Variants in RRBP1 observed in about 807,000 individuals in gnomAD.
RRBP1 encodes the protein ribosome-binding protein 1.
Under a neutral mutation model 165.2 loss-of-function variants are expected in RRBP1, and 94 were observed. That is an observed-to-expected ratio of 0.57 (90% confidence interval 0.48 to 0.68). The LOEUF (loss-of-function observed/expected upper bound fraction) is 0.68, where lower values mean the gene tolerates loss of function less well. Ranked by LOEUF, RRBP1 falls within the 30% of genes least tolerant of loss-of-function variation. The probability of loss-of-function intolerance (pLI) is 0.00; values close to 1 mark genes in which losing one functional copy is unlikely to be tolerated. For synonymous variants in RRBP1, 680 were observed against 714.5 expected (o/e 0.95, Z 0.77); for missense variants, 1,676 against 1,763.0 (o/e 0.95, Z 0.88).
At chr20:17,617,401 G>C (rs1039549653) in intron 20 of RRBP1, among the ~76,000 whole-genome samples, 1 of 152,218 alleles carries the variant, frequency 6.6e-6, no homozygotes, top group Non-Finnish European at 1.5e-5. Context: ...TGGAGACCCA[G>C]GTGGGGCCCT....
intron 19 of RRBP1, chr20:17,618,935 C>A: frequency 4.3e-6 from 2 of 466,612 alleles, no homozygotes; most frequent in African/African-American, 2.0e-5. Context: ...TTATCTCTGG[C>A]AAAAAAGGGC....
At chr20:17,677,293 T>C (rs187727368) in intron 2 of RRBP1, among the ~76,000 whole-genome samples, 5 of 152,316 alleles carry the variant, frequency 3.3e-5, no homozygotes, top group African/African-American at 1.2e-4. Flanking sequence ...TTCAAGATGG[T>C]CTTTTATTCC....
chr20:17,635,545 C>T lies in RRBP1; in HGVS notation c.2456+1G>A. On this transcript the variant is annotated splice_donor_variant, in intron 7 of 24. Coordinates refer to ENST00000377813, the MANE Select transcript of RRBP1 (RefSeq NM_001365613.2). LOFTEE classifies it high-confidence loss of function. ...TGCTGAGGCAGGAAAGCTCAGCTTA[C>T]TTGCTCTCCACCTGGCTCGTGGCCT... is the stretch of plus-strand genomic sequence containing the variant. The T allele has an allele frequency of 6.2e-7, 1 of 1,605,444 alleles. No individual in the cohort carries two copies. Among genetic ancestry groups the T allele is most frequent in the Non-Finnish European group, 8.5e-7 (1 of 1,175,554 alleles).
chr20:17,627,216 G>T, intron 11 of RRBP1, 132 bp downstream of exon 11: 1 of 845,802 alleles, frequency 1.2e-6, no homozygotes, highest in Non-Finnish European at 1.8e-6. Flanking sequence ...GGATGGGGGA[G>T]GGAAGGGAGC....
intron 4 of RRBP1, among the ~76,000 whole-genome samples, chr20:17,642,638 C>T (rs2036385038): frequency 6.6e-6 from 1 of 152,140 alleles, no homozygotes; most frequent in Non-Finnish European, 1.5e-5. Context: ...CAGGGGCGCT[C>T]CTGGGCTGGG....
rs1358666089 is a variant in RRBP1 at position 17,615,501 on chromosome 20, T to G, written c.3980A>C (p.Glu1327Ala). ...GGCTGTGCGGAGCTTCTCCAATTCT[T>G]CTTGTAACCGACATGCCGAGGTCTG... ...EAQTSACRLQ[E>A]ELEKLRTAGP... Residue 1327 changes from glutamate (E) to alanine (A), a missense_variant, in exon 23 of 25, where the codon GAA (glutamate) becomes GCA (alanine). Transcript: ENST00000377813. 6.2e-7 allele frequency: 1 copy of G among 1,606,770 alleles called. No individual in the cohort carries two copies. The highest frequency in any genetic ancestry group is 8.5e-7 in the Non-Finnish European group (1 of 1,177,630).
chr20:17,678,474 G>T (rs2037122431), intron 2 of RRBP1, among the ~76,000 whole-genome samples: 1 of 152,158 alleles, frequency 6.6e-6, no homozygotes, highest in Non-Finnish European at 1.5e-5. Context: ...GCTTTCTCAG[G>T]GTGAGATCTT....
chr20:17,638,636 C>G (rs2036290742), intron 5 of RRBP1, among the ~76,000 whole-genome samples: 1 of 152,108 alleles, frequency 6.6e-6, no homozygotes, highest in Non-Finnish European at 1.5e-5. Flanking sequence ...AGCTCAGAGA[C>G]CCAGGGTTCC....
chr20:17,678,441 G>A (rs994846078), intron 2 of RRBP1, among the ~76,000 whole-genome samples: 3 of 152,218 alleles, frequency 2.0e-5, no homozygotes, highest in Non-Finnish European at 2.9e-5. Context: ...AGTTTACAAT[G>A]CACACAAAGA....
intron 6 of RRBP1, among the ~76,000 whole-genome samples, chr20:17,636,232 C>T (rs758269888): frequency 7.3e-4 from 111 of 152,380 alleles, no homozygotes; most frequent in Non-Finnish European, 1.1e-3. Flanking sequence ...AAGATAGAGC[C>T]TGCGTTTCTC....
intron 3 of RRBP1, among the ~76,000 whole-genome samples, chr20:17,655,700 T>C (rs1328253148): frequency 6.6e-6 from 1 of 152,244 alleles, no homozygotes. Flanking sequence ...GAAAAACTAC[T>C]CATCCCTTTG....
At chr20:17,621,584 C>T (rs2035914523) in intron 15 of RRBP1, 37 bp from the exon 16 acceptor site, 1 of 1,594,470 alleles carries the variant, frequency 6.3e-7, no homozygotes, top group African/African-American at 1.3e-5. Flanking sequence ...GTTAGCCACA[C>T]ACAAAGGTTC....
chr20:17,657,804 A>C (rs1017997209), intron 3 of RRBP1, among the ~76,000 whole-genome samples: 1 of 152,194 alleles, frequency 6.6e-6, no homozygotes, highest in Non-Finnish European at 1.5e-5. Flanking sequence ...ATGCTCTATA[A>C]TGCTTTACCA....
In RRBP1 at chr20:17,667,224, A is replaced by G. The variant is rs2036888938; in HGVS notation, c.-21-6696T>C. On this transcript the variant is annotated intron_variant, in intron 2 of 24. Coordinates refer to ENST00000377813, the MANE Select transcript of RRBP1 (RefSeq NM_001365613.2). ...TCTGGAAGAACTTGCCCATAAAACC[A>G]TCAGGATTAGTGTTCTGAGATCTTT... 2.0e-5 allele frequency among the ~76,000 whole-genome samples: 3 copies of G among 152,198 alleles called. No homozygotes were observed. In the South Asian group the frequency reaches 6.2e-4, roughly 32 times the overall value.
intron 12 of RRBP1, among the ~76,000 whole-genome samples, chr20:17,625,153 A>G (rs1390168905): frequency 6.6e-6 from 1 of 152,158 alleles, no homozygotes; most frequent in East Asian, 1.9e-4. Flanking sequence ...ACACCAGGAC[A>G]GCAGGCATGC....
chr20:17,627,721 C>G (rs754178868), intron 9 of RRBP1, 39 bp from the exon 10 acceptor site: 1 of 1,545,812 alleles, frequency 6.5e-7, no homozygotes. Context: ...TAAGAGACTG[C>G]AAACCCCAGG....
chr20:17,673,059 T>C (rs920873224), intron 2 of RRBP1, among the ~76,000 whole-genome samples: 4 of 152,194 alleles, frequency 2.6e-5, no homozygotes, highest in African/African-American at 9.7e-5. Flanking sequence ...TAAACAGGCA[T>C]GTTTAGCTTG....
chr20:17,619,627 A>C lies in RRBP1; in HGVS notation c.3675+6T>G. On this transcript the variant is annotated splice_donor_region_variant and intron_variant, in intron 19 of 24. Coordinates refer to ENST00000377813, the MANE Select transcript of RRBP1 (RefSeq NM_001365613.2). ...AGGGGCTGCACTCCTTGGGGGGCAGACTCACCCCTGCCACCTCCTTGGCGT... is the reference window on the plus strand; with the variant it reads ...AGGGGCTGCACTCCTTGGGGGGCAGCCTCACCCCTGCCACCTCCTTGGCGT... 1 of 1,603,294 alleles carries C rather than the reference A, an allele frequency of 6.2e-7. No individual in the cohort carries two copies. Among genetic ancestry groups the C allele is most frequent in the Non-Finnish European group, 8.5e-7 (1 of 1,173,358 alleles).
chr20:17,647,958 T>C (rs2036493826), intron 3 of RRBP1, among the ~76,000 whole-genome samples: 1 of 152,102 alleles, frequency 6.6e-6, no homozygotes. Flanking sequence ...TCAGGTCTGC[T>C]GTAAGAAGGT....
Sources: gnomAD v4.1 joint callset for allele counts (sites outside exome capture counted in the v4.1 genomes callset) on GRCh38, gnomAD v4.1.1 for gene constraint, MANE v1.5 for transcripts, NCBI Gene and HGNC (gene_info 2026-07-23, HGNC 2026-07-21) for gene names.